Variants in NEO1 observed in about 807,000 individuals in gnomAD.
The protein encoded by NEO1 is neogenin.
NEO1 carries 63 observed loss-of-function variants against 159.7 expected under a neutral mutation model. The observed-to-expected ratio is 0.39, with a 90% CI of 0.32 to 0.49. NEO1 has a LOEUF of 0.49. Ranked by LOEUF, NEO1 falls within the 20% of genes least tolerant of loss-of-function variation. NEO1 has a pLI of 0.85. For synonymous variants in NEO1, 633 were observed against 662.0 expected (o/e 0.96, Z 0.67); for missense variants, 1,615 against 1,831.0 (o/e 0.88, Z 2.15).
chr15:73,233,291 G>C (rs1285847907), intron 7 of NEO1, among the ~76,000 whole-genome samples: 1 of 152,142 alleles, frequency 6.6e-6, no homozygotes, highest in Non-Finnish European at 1.5e-5. Flanking sequence ...GATTTACAAT[G>C]ATCAGGCATT....
At chr15:73,059,975 T>C (rs1216604125) in intron 1 of NEO1, among the ~76,000 whole-genome samples, 1 of 152,120 alleles carries the variant, frequency 6.6e-6, no homozygotes, top group Admixed American at 6.5e-5. Context: ...GCAGAGTGAA[T>C]TTTTGTAATG....
chr15:73,127,624 T>C (rs1207811060), intron 4 of NEO1, among the ~76,000 whole-genome samples: 1 of 152,204 alleles, frequency 6.6e-6, no homozygotes, highest in East Asian at 1.9e-4. Context: ...TGCTGTTCAA[T>C]TGAAATATAA....
chr15:73,111,144 A>G (rs948065595), intron 1 of NEO1, among the ~76,000 whole-genome samples: 24 of 152,228 alleles, frequency 1.6e-4, no homozygotes, highest in African/African-American at 5.8e-4. Context: ...GGAGAAAACA[A>G]TGTTAACTGT....
intron 1 of NEO1, among the ~76,000 whole-genome samples, chr15:73,054,715 C>T (rs1186335046): frequency 2.0e-5 from 3 of 152,044 alleles, no homozygotes; most frequent in African/African-American, 7.2e-5. Flanking sequence ...GTCCAGAGTC[C>T]TTCCTGTAAA....
At chr15:73,234,037 G>C (rs1202914272) in intron 7 of NEO1, among the ~76,000 whole-genome samples, 1 of 152,146 alleles carries the variant, frequency 6.6e-6, no homozygotes, top group Non-Finnish European at 1.5e-5. Flanking sequence ...TTTCCGGTAT[G>C]CTCTGCTGCC....
At chr15:73,253,573 T>C in intron 12 of NEO1, 124 bp downstream of exon 12, 1 of 586,038 alleles carries the variant, frequency 1.7e-6, no homozygotes, top group Non-Finnish European at 2.8e-6. Context: ...GGTAATAATC[T>C]GCATTTAAAA....
At chr15:73,198,269 C>G (rs796245441) in intron 7 of NEO1, among the ~76,000 whole-genome samples, 5 of 152,226 alleles carry the variant, frequency 3.3e-5, no homozygotes, top group African/African-American at 1.2e-4. Flanking sequence ...TTCTCATATA[C>G]TGTACATTGT....
At chr15:73,137,922 A>G (rs1460922573) in intron 5 of NEO1, among the ~76,000 whole-genome samples, 4 of 152,244 alleles carry the variant, frequency 2.6e-5, no homozygotes, top group African/African-American at 9.6e-5. Context: ...GAGATACGAT[A>G]GGTATAGGTA....
upstream of NEO1, among the ~76,000 whole-genome samples, chr15:73,052,191 G>A (rs1049653269): frequency 4.0e-5 from 6 of 148,370 alleles, no homozygotes; most frequent in Admixed American, 6.7e-5. Context: ...GGCCCGCCAC[G>A]GCCCGAGAGG....
intron 23 of NEO1, among the ~76,000 whole-genome samples, chr15:73,285,162 C>G (rs1169455089): frequency 6.6e-6 from 1 of 152,098 alleles, no homozygotes; most frequent in Non-Finnish European, 1.5e-5. Flanking sequence ...GTCTGTCACC[C>G]AGGCTGAAGT....
chr15:73,266,444 C>T (rs1252498106), intron 16 of NEO1, 33 bp downstream of exon 16: 1 of 1,528,860 alleles, frequency 6.5e-7, no homozygotes. Context: ...GTCTCCAGCA[C>T]TTTTCCTAGC....
At chr15:73,145,300 G>A (rs1248625851) in intron 5 of NEO1, among the ~76,000 whole-genome samples, 1 of 152,122 alleles carries the variant, frequency 6.6e-6, no homozygotes, top group Non-Finnish European at 1.5e-5. Flanking sequence ...CCTACTCTTG[G>A]CAAAATTATA....
At chr15:73,298,747 G>A (rs2042478664) in intron 27 of NEO1, 136 bp downstream of exon 27, 5 of 1,257,354 alleles carry the variant, frequency 4.0e-6, no homozygotes, top group African/African-American at 3.0e-5. Flanking sequence ...AATTCTGTTA[G>A]CGTAGCAGTG....
At chr15:73,084,872 T>C (rs541942365) in intron 1 of NEO1, among the ~76,000 whole-genome samples, 3 of 152,128 alleles carry the variant, frequency 2.0e-5, no homozygotes, top group Admixed American at 2.0e-4. Context: ...TTTAATAGTT[T>C]TAGGTTTCAT....
chr15:73,154,538 A>G (rs56046771), intron 5 of NEO1, among the ~76,000 whole-genome samples: 4 of 152,260 alleles, frequency 2.6e-5, no homozygotes, highest in African/African-American at 9.6e-5. Flanking sequence ...CTCTATCTCC[A>G]TGAGTTCAGT....
At chr15:73,154,426 A>G (rs1161703627) in intron 5 of NEO1, among the ~76,000 whole-genome samples, 1 of 152,160 alleles carries the variant, frequency 6.6e-6, no homozygotes, top group Non-Finnish European at 1.5e-5. Flanking sequence ...TTGTTTTGCC[A>G]TCAAATTCTA....
At position 73,249,067 on chromosome 15, in the gene NEO1, C is replaced by T; in HGVS notation, c.1614C>T (p.Leu538=). ...TCGAACTTTTCTTTCTAGTTCAGCT[C>T]CCTGGCCCAGCACCTAACCTTCGTG... ...LRVETQPEVQ[L]PGPAPNLRAY... is the part of the protein sequence containing the mutation. Residue 538 remains leucine (L), a synonymous_variant, in exon 10 of 29, where the codon CTC becomes CTT. Transcript: ENST00000261908. 6.2e-7 allele frequency: 1 copy of T among 1,613,890 alleles called. No individual in the cohort carries two copies.
At chr15:73,205,210 G>C (rs1361955470) in intron 7 of NEO1, among the ~76,000 whole-genome samples, 1 of 152,166 alleles carries the variant, frequency 6.6e-6, no homozygotes, top group Non-Finnish European at 1.5e-5. Flanking sequence ...TTCTCCAGTA[G>C]TACAGCTTTC....
At chr15:73,086,684 CTT>C (rs56321563) in intron 1 of NEO1, among the ~76,000 whole-genome samples, 4 of 122,034 alleles carry the variant, frequency 3.3e-5, no homozygotes, top group Admixed American at 1.8e-4. Context: ...TTCTAGATTT[CTT>C]TTTTTTTTTT....
Sources: gnomAD v4.1 joint callset for allele counts (sites outside exome capture counted in the v4.1 genomes callset) on GRCh38, gnomAD v4.1.1 for gene constraint, MANE v1.5 for transcripts, NCBI Gene and HGNC (gene_info 2026-07-23, HGNC 2026-07-21) for gene names.